Variants in RRP1 observed in about 807,000 individuals in gnomAD.
The protein encoded by RRP1 is ribosomal RNA processing protein 1 homolog A.
In RRP1, 37 loss-of-function variants were observed where a neutral mutation model predicts 54.6. That is an observed-to-expected ratio of 0.68 (90% CI 0.52 to 0.89). The LOEUF (loss-of-function observed/expected upper bound fraction) is 0.89. RRP1 is among the 40% of genes least tolerant of loss of function. The probability of loss-of-function intolerance (pLI) is 0.00; values close to 1 mark genes in which losing one functional copy is unlikely to be tolerated. For missense variants in RRP1, 639 were observed against 612.5 expected (o/e 1.04, Z -0.46); for synonymous variants, 262 against 244.3 (o/e 1.07, Z -0.67).
intron 5 of RRP1, among the ~76,000 whole-genome samples, chr21:43,797,172 A>G (rs1395590525): frequency 6.6e-6 from 1 of 152,196 alleles, no homozygotes; most frequent in East Asian, 1.9e-4. Flanking sequence ...GCTGACATGC[A>G]CACTCAGGCC....
chr21:43,802,381 G>T lies in RRP1; in HGVS notation c.1117G>T (p.Glu373Ter). The T allele has an allele frequency of 6.2e-7, 1 of 1,613,716 alleles. No individual in the cohort carries two copies. Among genetic ancestry groups the T allele is most frequent in the South Asian group, 1.1e-5 (1 of 91,060 alleles). The change falls in exon 12 of 13, where the codon GAG becomes TAG. Residue 373 changes from glutamate to a stop codon, truncating the protein, a stop_gained. Coordinates refer to ENST00000497547, the MANE Select transcript of RRP1 (RefSeq NM_003683.6). LOFTEE classifies it low-confidence loss of function (END_TRUNC). ...KQKRLLRLQQ[E>*]RGKGEKEPPS... ...GAAGCGTCTGCTCAGGTTGCAGCAG[G>T]AGAGAGGTAGGACTAGGGGGTGTGT...
rs752763619 is a variant in RRP1 at position 43,798,064 on chromosome 21, G to A, written c.775G>A (p.Ala259Thr). The change falls in exon 8 of 13, where the codon GCG (alanine) becomes ACG (threonine). Residue 259 changes from alanine to threonine, a missense_variant. Ala to Thr is a moderately conservative substitution (Grantham distance 58). Coordinates refer to ENST00000497547, the MANE Select transcript of RRP1 (RefSeq NM_003683.6). ...ESSEGGERGDALSQKRSEKPP... is the reference protein window; with the variant it reads ...ESSEGGERGDTLSQKRSEKPP... ...CTCTGAGGGTGGTGAGCGTGGAGAC[G>A]CGCTGTCCCAGAAGAGGTCTGAGAA... The A allele has an allele frequency of 1.7e-5, 28 of 1,613,760 alleles. No individual in the cohort carries two copies. The Admixed American group carries it at 2.3e-4, about 13-fold the overall frequency.
chr21:43,793,123 A>G (rs2084977584), intron 3 of RRP1, 196 bp from the exon 4 acceptor site: 1 of 587,886 alleles, frequency 1.7e-6, no homozygotes, highest in South Asian at 2.1e-5. Context: ...TGTCTGTAGG[A>G]CTCACTTGAG....
Position 43,789,771 on chromosome 21 carries a change from G to A in RRP1, c.133+9G>A. On this transcript the variant is annotated intron_variant, in intron 1 of 12. Transcript: ENST00000497547. ...GACTCAGCGGGCCGCAGGTTGGCGGGGGTGTGGGCGGCTGGCGTCTCGGGG... is the reference window on the plus strand; with the variant it reads ...GACTCAGCGGGCCGCAGGTTGGCGGAGGTGTGGGCGGCTGGCGTCTCGGGG... 6.6e-7 allele frequency: 1 copy of A among 1,510,006 alleles called. No individual in the cohort carries two copies. Among genetic ancestry groups the A allele is most frequent in the Non-Finnish European group, 8.9e-7 (1 of 1,127,304 alleles). The allele number at this position is 1,510,006 out of a possible 1,614,324, so 93.5% of individuals were successfully genotyped here. A position where few individuals can be genotyped will look rare whatever the true frequency, so the allele number is the denominator to read the frequency against.
intron 12 of RRP1, 40 bp from the exon 13 acceptor site, chr21:43,803,472 T>C: frequency 6.6e-7 from 1 of 1,509,720 alleles, no homozygotes; most frequent in Non-Finnish European, 8.9e-7. Flanking sequence ...AGAGCCCGTG[T>C]TGGCATTCTC....
chr21:43,791,835 C>T (rs2838364), intron 2 of RRP1, among the ~76,000 whole-genome samples: 34,610 of 152,020 alleles, frequency 0.23, 4,482 homozygotes, highest in African/African-American at 0.33. Context: ...GGCCAGAGAC[C>T]GTGGGGAGGT....
intron 2 of RRP1, among the ~76,000 whole-genome samples, chr21:43,792,355 C>G (rs1373094127): frequency 1.3e-5 from 2 of 152,200 alleles, no homozygotes; most frequent in African/African-American, 4.8e-5. Flanking sequence ...CTCCCACGTC[C>G]CTCTTTAACC....
chr21:43,803,502 G>C lies in RRP1; in HGVS notation c.1124-10G>C, dbSNP rs75229405. The C allele has an allele frequency of 1.5e-3, 2,240 of 1,542,240 alleles. 28 individuals carry two copies. In the African/African-American group the frequency reaches 0.028, roughly 19 times the overall value. On this transcript the variant is annotated splice_polypyrimidine_tract_variant and intron_variant, in intron 12 of 12. Transcript: ENST00000497547. The stretch of plus-strand genomic sequence containing the variant: ...ATTCTCTGGCTCATGGGGTCTTGCT[G>C]TTTTGTCAGGGAAAGGTGAGAAGGA...
Position 43,789,744 on chromosome 21 carries a change from A to G in RRP1, c.115A>G (p.Arg39Gly), listed in dbSNP as rs751501362. The G allele has an allele frequency of 3.3e-5, 50 of 1,524,810 alleles. No homozygotes were observed. The highest frequency in any genetic ancestry group is 4.2e-5 in the Non-Finnish European group (48 of 1,135,422). The allele number at this position is 1,524,810 out of a possible 1,614,324, so 94.5% of individuals were successfully genotyped here. Reference sequence around the variant, plus strand: ...GAAGCTCCGGAAATACATCGTCGCCAGGACTCAGCGGGCCGCAGGTTGGCG... The same window carrying G: ...GAAGCTCCGGAAATACATCGTCGCCGGGACTCAGCGGGCCGCAGGTTGGCG... ...VRKLRKYIVARTQRAAGGFTH... is the reference protein window; with the variant it reads ...VRKLRKYIVAGTQRAAGGFTH... The change falls in exon 1 of 13, where the codon AGG becomes GGG. Residue 39 changes from arginine (R) to glycine (G), a missense_variant. Physicochemically the swap from Arg to Gly is moderately radical, Grantham distance 125. Transcript: ENST00000497547.
chr21:43,799,683 C>G, intron 9 of RRP1, 34 bp downstream of exon 9: 2 of 1,579,038 alleles, frequency 1.3e-6, no homozygotes, highest in Non-Finnish European at 1.7e-6. Flanking sequence ...GTGCCCTCAG[C>G]CTTTGCCCCT....
intron 11 of RRP1, among the ~76,000 whole-genome samples, chr21:43,801,810 G>A (rs2085095359): frequency 6.6e-6 from 1 of 152,176 alleles, no homozygotes; most frequent in Non-Finnish European, 1.5e-5. Flanking sequence ...TGTAGACTTT[G>A]GTGTACAGGT....
chr21:43,800,432 C>A, intron 9 of RRP1, 85 bp from the exon 10 acceptor site: 1 of 1,256,524 alleles, frequency 8.0e-7, no homozygotes, highest in Non-Finnish European at 1.2e-6. Flanking sequence ...GGACCAAGTG[C>A]TATCTGGGTC....
rs892975144 is a variant in RRP1 at position 43,791,076 on chromosome 21, C to A, written c.134-274C>A. The A allele has an allele frequency of 1.3e-5, 7 of 556,776 alleles. No individual in the cohort carries two copies. In the African/African-American group the frequency reaches 1.3e-4, roughly 10 times the overall value. The allele number at this position is 556,776 out of a possible 1,614,324, so 34.5% of individuals were successfully genotyped here. Reference sequence around the variant, plus strand: ...GTCAAGGTTCGCAATTTTGAATTTCCAAAATGGAGTATGGTGCCTGATACC... The same window carrying A: ...GTCAAGGTTCGCAATTTTGAATTTCAAAAATGGAGTATGGTGCCTGATACC... On this transcript the variant is annotated intron_variant, in intron 1 of 12. Transcript: ENST00000497547.
chr21:43,791,228 C>T (rs2084953941), intron 1 of RRP1, 122 bp from the exon 2 acceptor site: 1 of 977,312 alleles, frequency 1.0e-6, no homozygotes, highest in South Asian at 1.3e-5. Flanking sequence ...ATTCTGCCCC[C>T]CAGTTGCCTT....
chr21:43,789,885 C>T (rs2084939011), intron 1 of RRP1, 123 bp downstream of exon 1: 1 of 1,224,054 alleles, frequency 8.2e-7, no homozygotes, highest in Non-Finnish European at 1.1e-6. Context: ...CCGGGCCGGG[C>T]AGGCGGGGTC....
At chr21:43,793,178 C>G in intron 3 of RRP1, 141 bp from the exon 4 acceptor site, 2 of 723,164 alleles carry the variant, frequency 2.8e-6, no homozygotes, top group Non-Finnish European at 4.7e-6. Context: ...CCAGCAAGAT[C>G]CAGTTCTGGG....
chr21:43,799,576 T>C lies in RRP1; in HGVS notation c.818T>C (p.Ile273Thr), dbSNP rs974733824. ...GGGGTCCCTTTTGTTCCAGGCTCCATCTGCAGGGCTGAACCTGAGGCTGGT... is the reference window on the plus strand; with the variant it reads ...GGGGTCCCTTTTGTTCCAGGCTCCACCTGCAGGGCTGAACCTGAGGCTGGT... ...KRSEKPPAGSICRAEPEAGEE... is the reference protein window; with the variant it reads ...KRSEKPPAGSTCRAEPEAGEE... Residue 273 changes from isoleucine to threonine, a missense_variant, in exon 9 of 13, where the codon ATC becomes ACC. Coordinates refer to ENST00000497547, the MANE Select transcript of RRP1 (RefSeq NM_003683.6). 2.5e-6 allele frequency: 4 copies of C among 1,611,694 alleles called. No homozygotes were observed. The highest frequency in any genetic ancestry group is 1.3e-5 in the African/African-American group (1 of 74,952).
chr21:43,792,603 T>C lies in RRP1; in HGVS notation c.217-69T>C, dbSNP rs553497291. 8.1e-6 allele frequency: 12 copies of C among 1,474,838 alleles called. No homozygotes were observed. In the East Asian group the frequency reaches 2.3e-4, roughly 28 times the overall value. 91.4% of individuals were successfully genotyped at this position (1,474,838 alleles called of 1,614,324 possible). On this transcript the variant is annotated intron_variant, in intron 2 of 12. Coordinates refer to ENST00000497547, the MANE Select transcript of RRP1 (RefSeq NM_003683.6). ...AGTGAGTGAGTGGGTGAGTGGGTGG[T>C]TGCGTGTGTGTCATTGTGAGAGCCT...
At chr21:43,790,025 C>A (rs2084940563) in intron 1 of RRP1, among the ~76,000 whole-genome samples, 1 of 152,260 alleles carries the variant, frequency 6.6e-6, no homozygotes, top group Admixed American at 6.5e-5. Context: ...CTCAGGCGTC[C>A]CCTCCCTCCA....
Sources: allele counts gnomAD v4.1 joint callset (sites outside exome capture counted in the v4.1 genomes callset), GRCh38; gene constraint gnomAD v4.1.1; transcripts MANE v1.5; gene names NCBI Gene and HGNC (gene_info 2026-07-23, HGNC 2026-07-21).